Variants in RPS6KA5 observed in about 807,000 individuals in gnomAD.
The protein encoded by RPS6KA5 is ribosomal protein S6 kinase alpha-5.
RPS6KA5 carries 27 observed loss-of-function variants against 85.5 expected under a neutral mutation model. The observed-to-expected ratio is 0.32, with a 90% CI of 0.23 to 0.44. The LOEUF is 0.44. Ranked by LOEUF, RPS6KA5 falls within the 20% of genes least tolerant of loss-of-function variation. The probability of loss-of-function intolerance (pLI) is 1.00; values close to 1 mark genes in which losing one functional copy is unlikely to be tolerated. For synonymous variants in RPS6KA5, 334 were observed against 348.2 expected (o/e 0.96, Z 0.46); for missense variants, 811 against 980.9 (o/e 0.83, Z 2.31).
intron 12 of RPS6KA5, among the ~76,000 whole-genome samples, chr14:90,897,703 A>G (rs1215468626): frequency 6.6e-6 from 1 of 152,248 alleles, no homozygotes; most frequent in Non-Finnish European, 1.5e-5. Context: ...TTGTGACACA[A>G]ATAAAAAATT....
chr14:91,018,838 A>C (rs2041615483), intron 1 of RPS6KA5, among the ~76,000 whole-genome samples: 1 of 151,908 alleles, frequency 6.6e-6, no homozygotes, highest in Non-Finnish European at 1.5e-5. Flanking sequence ...AGTTCTCCCT[A>C]ATGAACTCCC....
chr14:90,927,937 C>CTTTTTT (rs386382140), intron 5 of RPS6KA5, among the ~76,000 whole-genome samples: 4 of 136,492 alleles, frequency 2.9e-5, no homozygotes, highest in South Asian at 2.3e-4. Flanking sequence ...CTTTTCTTTT[C>CTTTTTT]TTTTTTTTTT....
chr14:90,967,336 A>T (rs556037962), intron 3 of RPS6KA5, among the ~76,000 whole-genome samples: 1 of 152,304 alleles, frequency 6.6e-6, no homozygotes, highest in South Asian at 2.1e-4. Flanking sequence ...TCCACATAAG[A>T]TTGTCATGAG....
At chr14:91,012,646 C>G (rs2139751675) in intron 1 of RPS6KA5, among the ~76,000 whole-genome samples, 1 of 152,336 alleles carries the variant, frequency 6.6e-6, no homozygotes, top group South Asian at 2.1e-4. Flanking sequence ...ACTCTTAGAG[C>G]TACTTGGTCA....
chr14:90,851,057 A>G lies in RPS6KA5; in HGVS notation c.*21017T>C, dbSNP rs2031974800. Reference sequence around the variant, plus strand: ...ATACTTTTATTTTATTTTTTTTTTGAGACAGAGTCTCACTCTGCCCCCCAG... The same window carrying G: ...ATACTTTTATTTTATTTTTTTTTTGGGACAGAGTCTCACTCTGCCCCCCAG... On this transcript the variant is annotated 3_prime_UTR_variant, in exon 17 of 17. Transcript: ENST00000614987. 6.6e-6 allele frequency: 1 copy of G among 151,280 alleles called. No homozygotes were observed. The highest frequency in any genetic ancestry group is 6.6e-5 in the Admixed American group (1 of 15,202). 9.4% of individuals were successfully genotyped at this position (151,280 alleles called of 1,614,324 possible). A position where few individuals can be genotyped will look rare whatever the true frequency, so the allele number is the denominator to read the frequency against.
At chr14:90,968,947 A>G (rs979692060) in intron 3 of RPS6KA5, among the ~76,000 whole-genome samples, 2 of 152,240 alleles carry the variant, frequency 1.3e-5, no homozygotes, top group African/African-American at 4.8e-5. Flanking sequence ...AAAACAATTT[A>G]TATTTCATTT....
intron 6 of RPS6KA5, among the ~76,000 whole-genome samples, chr14:90,921,271 C>T (rs934308352): frequency 2.6e-5 from 4 of 152,080 alleles, no homozygotes; most frequent in African/African-American, 9.7e-5. Flanking sequence ...AGACTAAAAT[C>T]GTGAGAGCAA....
intron 1 of RPS6KA5, among the ~76,000 whole-genome samples, chr14:91,031,569 T>C (rs965464376): frequency 1.3e-5 from 2 of 152,142 alleles, no homozygotes; most frequent in African/African-American, 4.8e-5. Flanking sequence ...AAAGAACTCA[T>C]GGGTTATCTA....
intron 1 of RPS6KA5, chr14:91,052,434 C>G (rs780005138): frequency 7.7e-5 from 23 of 300,358 alleles, no homozygotes; most frequent in Middle Eastern, 8.9e-4. Flanking sequence ...GCACCACACT[C>G]CAGCCTGGGC....
At chr14:90,963,753 T>C (rs550208232) in intron 3 of RPS6KA5, among the ~76,000 whole-genome samples, 1 of 152,316 alleles carries the variant, frequency 6.6e-6, no homozygotes, top group African/African-American at 2.4e-5. Flanking sequence ...TCAGAGAGAT[T>C]AGGCGACTTG....
chr14:91,001,526 T>C (rs1419638870), intron 1 of RPS6KA5, among the ~76,000 whole-genome samples: 1 of 152,178 alleles, frequency 6.6e-6, no homozygotes, highest in Non-Finnish European at 1.5e-5. Context: ...TATTTATGAT[T>C]CGACAAACAT....
rs1332475382 is a variant in RPS6KA5, at chr14:90,996,531, A to AT, written c.175+4556dup. Reference sequence around the variant, plus strand: ...AGATTAAAGTTGTTTAGCTTTGACCATATCTAGAATAAAACATCATCTCAG... The same window carrying AT: ...AGATTAAAGTTGTTTAGCTTTGACCATTATCTAGAATAAAACATCATCTCAG... On this transcript the variant is annotated intron_variant, in intron 2 of 16. Coordinates refer to ENST00000614987, the MANE Select transcript of RPS6KA5 (RefSeq NM_004755.4). Among the ~76,000 whole-genome samples, 3 of 152,294 alleles carry AT rather than the reference A, an allele frequency of 2.0e-5. No individual in the cohort carries two copies. The South Asian group carries it at 6.2e-4, about 32-fold the overall frequency.
chr14:90,926,436 CTT>C (rs2036673139), intron 5 of RPS6KA5, among the ~76,000 whole-genome samples: 1 of 150,692 alleles, frequency 6.6e-6, no homozygotes, highest in African/African-American at 2.4e-5. Context: ...TTACTAAAGA[CTT>C]AGTAAATTTG....
chr14:90,935,118 AG>A (rs2037189165), intron 5 of RPS6KA5, among the ~76,000 whole-genome samples: 1 of 152,202 alleles, frequency 6.6e-6, no homozygotes, highest in African/African-American at 2.4e-5. Flanking sequence ...AGGGAGACAG[AG>A]GTAACTAAAA....
At chr14:91,058,068 C>T (rs778483693) in intron 1 of RPS6KA5, among the ~76,000 whole-genome samples, 2 of 152,190 alleles carry the variant, frequency 1.3e-5, no homozygotes, top group Non-Finnish European at 2.9e-5. Flanking sequence ...CATTCTGAGA[C>T]GGGACCATAT....
At chr14:91,033,018 T>C (rs143232142) in intron 1 of RPS6KA5, among the ~76,000 whole-genome samples, 3 of 151,806 alleles carry the variant, frequency 2.0e-5, no homozygotes, top group Admixed American at 2.0e-4. Context: ...ACTCCGTCTC[T>C]ACTAAAAATA....
rs2034212810 is a variant in RPS6KA5 at position 90,886,131 on chromosome 14, A to G, written c.1836+4356T>C. On this transcript the variant is annotated intron_variant, in intron 14 of 16. Coordinates refer to ENST00000614987, the MANE Select transcript of RPS6KA5 (RefSeq NM_004755.4). ...ATTATATATACTCATATATATACATATACACATACATATAAAGAAGAGCGT... is the reference window on the plus strand; with the variant it reads ...ATTATATATACTCATATATATACATGTACACATACATATAAAGAAGAGCGT... 2.6e-5 allele frequency among the ~76,000 whole-genome samples: 4 copies of G among 152,164 alleles called. 1 individual carries two copies. The South Asian group carries it at 6.2e-4, about 24-fold the overall frequency.
chr14:90,885,552 CAAAAAAAAAAAAAAAAAAAAAA>C lies in RPS6KA5; in HGVS notation c.1836+4913_1836+4934del, dbSNP rs780292114. Among the ~76,000 whole-genome samples, 151 of 19,870 alleles carry C rather than the reference CAAAAAAAAAAAAAAAAAAAAAA, an allele frequency of 7.6e-3. 1 individual carries two copies. The highest frequency in any genetic ancestry group is 0.039 in the African/African-American group (94 of 2,412). 13.0% of individuals were successfully genotyped at this position (19,870 alleles called of 152,430 possible). A position where few individuals can be genotyped will look rare whatever the true frequency, so the allele number is the denominator to read the frequency against. On this transcript the variant is annotated intron_variant, in intron 14 of 16. Coordinates refer to ENST00000614987, the MANE Select transcript of RPS6KA5 (RefSeq NM_004755.4). ...TGGGCGACAGAGCGAGACTCCGTCT[CAAAAAAAAAAAAAAAAAAAAAA>C]AAAAAAAAAAAAAAAAAATTAGACG... is the stretch of plus-strand genomic sequence containing the variant.
chr14:90,873,606 A>G (rs2033262575), intron 16 of RPS6KA5, 26 bp downstream of exon 16: 1 of 1,592,744 alleles, frequency 6.3e-7, no homozygotes, highest in East Asian at 2.2e-5. Flanking sequence ...CAAACCGCCC[A>G]ACATGTACAG....
Sources: allele counts gnomAD v4.1 joint callset (sites outside exome capture counted in the v4.1 genomes callset), GRCh38; gene constraint gnomAD v4.1.1; transcripts MANE v1.5; gene names NCBI Gene and HGNC (gene_info 2026-07-23, HGNC 2026-07-21).